The following FAM217B variants were observed in gnomAD, a reference collection of about 807,000 sequenced individuals.
The protein encoded by FAM217B is protein FAM217B.
For synonymous variants in FAM217B, 163 were observed against 173.0 expected (o/e 0.94, Z 0.45); for missense variants, 463 against 456.9 (o/e 1.01, Z -0.12).
intron 1 of FAM217B, among the ~76,000 whole-genome samples, chr20:59,934,439 C>T (rs185038814): frequency 4.5e-4 from 69 of 152,172 alleles, no homozygotes; most frequent in African/African-American, 1.5e-3. Context: ...GCTCAGTCTT[C>T]TGCGTGTTTT....
upstream of FAM217B, chr20:59,939,663 C>T: frequency 6.7e-7 from 1 of 1,481,610 alleles, no homozygotes; most frequent in East Asian, 2.7e-5. Flanking sequence ...ACACGCAGCG[C>T]CCGGCGCGCC....
chr20:59,939,520 T>C (rs1569005589), upstream of FAM217B: 1 of 1,611,976 alleles, frequency 6.2e-7, no homozygotes, highest in Non-Finnish European at 8.5e-7. Flanking sequence ...AGGTCCGAGT[T>C]GATTGCGAGC....
At chr20:59,939,276 G>A (rs1168839777), upstream of FAM217B, 2 of 1,612,312 alleles carry the variant, frequency 1.2e-6, no homozygotes, top group East Asian at 2.2e-5. Flanking sequence ...CCGCGCCACC[G>A]CCTCGTGGGT....
chr20:59,939,656 CGCAGCGCCCGGCGCGCCCGCGGCCTTCTG>C, upstream of FAM217B: 1 of 1,508,580 alleles, frequency 6.6e-7, no homozygotes, highest in East Asian at 2.6e-5. Flanking sequence ...CCGGCCGACA[CGCAGCGCCCGGCGCGCCCGCGGCCTTCTG>C]GCGGCGCTCG....
upstream of FAM217B, chr20:59,938,954 G>A (rs2145945825): frequency 7.3e-7 from 1 of 1,365,720 alleles, no homozygotes; most frequent in East Asian, 2.5e-5. Context: ...CAACCAGATA[G>A]ATGTGAGAGC....
At chr20:59,934,015 C>T (rs951689646) in intron 1 of FAM217B, among the ~76,000 whole-genome samples, 1 of 152,128 alleles carries the variant, frequency 6.6e-6, no homozygotes, top group African/African-American at 2.4e-5. Context: ...ATGGAAGGGA[C>T]GGAAGCGCGG....
At position 59,945,107 on chromosome 20, in the gene FAM217B, G is replaced by A; in HGVS notation, c.*12G>A. Reference sequence around the variant, plus strand: ...ATAAACTAAAATAAATATCTAAAATGCTGAATTGCCAAGACCTGCAGGTAC... The same window carrying A: ...ATAAACTAAAATAAATATCTAAAATACTGAATTGCCAAGACCTGCAGGTAC... On this transcript the variant is annotated 3_prime_UTR_variant, in exon 4 of 4. Transcript: ENST00000360816. The A allele has an allele frequency of 6.5e-7, 1 of 1,546,926 alleles. No homozygotes were observed. Among genetic ancestry groups the A allele is most frequent in the Non-Finnish European group, 8.7e-7 (1 of 1,151,186 alleles).
At chr20:59,939,679 C>T, upstream of FAM217B, 1 of 1,445,190 alleles carries the variant, frequency 6.9e-7, no homozygotes, top group Non-Finnish European at 9.0e-7. Context: ...GCGCCCGCGG[C>T]CTTCTGGCGG....
Position 59,944,757 on chromosome 20 carries a change from G to T in FAM217B, c.814G>T (p.Asp272Tyr). 6.2e-7 allele frequency: 1 copy of T among 1,614,164 alleles called. No individual in the cohort carries two copies. Among genetic ancestry groups the T allele is most frequent in the Non-Finnish European group, 8.5e-7 (1 of 1,180,034 alleles). ...YAFETSPRPI[D>Y]VLGGTRFCSQ... ...ATTTGAGACTTCCCCTAGACCCATT[G>T]ATGTGCTTGGTGGTACCAGGTTTTG... The change falls in exon 4 of 4, where the codon GAT becomes TAT. Residue 272 changes from aspartate (D) to tyrosine (Y), a missense_variant. By Grantham distance (160) the Asp-to-Tyr change is radical (BLOSUM62 -3). Transcript: ENST00000360816.
upstream of FAM217B, chr20:59,939,715 G>C: frequency 3.8e-6 from 5 of 1,318,524 alleles, no homozygotes; most frequent in Non-Finnish European, 3.8e-6. Flanking sequence ...GGCAGTGAGC[G>C]CGCCCGCCGC....
intron 1 of FAM217B, among the ~76,000 whole-genome samples, chr20:59,934,284 C>G (rs1362676003): frequency 1.3e-5 from 2 of 152,214 alleles, no homozygotes; most frequent in Admixed American, 1.3e-4. Context: ...TTCCTAGGCT[C>G]TTTCAGACGC....
At chr20:59,939,121 CGTT>C (rs1453258601), upstream of FAM217B, 5 of 1,605,416 alleles carry the variant, frequency 3.1e-6, no homozygotes, top group Non-Finnish European at 4.2e-6. Context: ...TCTCGGTGGT[CGTT>C]GTTGTCCCAG....
At chr20:59,940,682 G>A (rs2060898698) in intron 1 of FAM217B, 147 bp downstream of exon 1, 1 of 152,410 alleles carries the variant, frequency 6.6e-6, no homozygotes, top group African/African-American at 2.4e-5. Flanking sequence ...TGCAAAAACC[G>A]GCCTTGCCAG....
In FAM217B at chr20:59,934,725, AAC is replaced by A. The variant is rs373774680; in HGVS notation, c.-326+874_-326+875del. Among the ~76,000 whole-genome samples, 532 of 152,226 alleles carry A rather than the reference AAC, an allele frequency of 3.5e-3. 2 individuals carry two copies. Among genetic ancestry groups the A allele is most frequent in the African/African-American group, 0.011 (457 of 41,470 alleles). On this transcript the variant is annotated intron_variant, in intron 1 of 4. Coordinates refer to the FAM217B transcript ENST00000358293. ...TCAAAATTTAAAATTATATTTTAAT[AAC>A]ATTTTAATTTCTTATCTAAAAGGCA...
At chr20:59,938,472 G>A (rs1321056396), upstream of FAM217B, 4 of 152,552 alleles carry the variant, frequency 2.6e-5, no homozygotes, top group African/African-American at 9.6e-5. Context: ...ATCAGATGTG[G>A]GCTCAGGTTT....
At chr20:59,939,011 G>T, upstream of FAM217B, 1 of 1,492,778 alleles carries the variant, frequency 6.7e-7, no homozygotes, top group Non-Finnish European at 8.9e-7. Context: ...GGAGGCTCCA[G>T]GTGGCCGGTC....
upstream of FAM217B, chr20:59,939,940 C>A (rs2060890044): frequency 7.9e-7 from 1 of 1,264,970 alleles, no homozygotes; most frequent in Admixed American, 3.7e-5. Context: ...ATGGCCCCGC[C>A]GGCCGTCGGA....
At chr20:59,933,897 G>A (rs988032205) in intron 1 of FAM217B, 5 of 152,290 alleles carry the variant, frequency 3.3e-5, no homozygotes, top group African/African-American at 1.2e-4. Context: ...CCGTCCTCTC[G>A]CGCTATGCTC....
chr20:59,942,626 T>G (rs1449550369), intron 3 of FAM217B, 114 bp downstream of exon 3: 1 of 152,134 alleles, frequency 6.6e-6, no homozygotes, highest in Non-Finnish European at 1.5e-5. Flanking sequence ...AAATATACAT[T>G]TATAATTTTT....
Sources: allele counts gnomAD v4.1 joint callset (sites outside exome capture counted in the v4.1 genomes callset), GRCh38; gene constraint gnomAD v4.1.1; transcripts MANE v1.5; gene names NCBI Gene and HGNC (gene_info 2026-07-23, HGNC 2026-07-21).